Variants in NIBAN1 observed in about 807,000 individuals in gnomAD.
NIBAN1 encodes the protein niban apoptosis regulator 1.
In NIBAN1, 81 loss-of-function variants were observed where a neutral mutation model predicts 75.1. The ratio of observed to expected loss-of-function variants is 1.08; its 90% CI spans 0.90 to 1.30. The LOEUF (loss-of-function observed/expected upper bound fraction) is 1.30. Among genes scored for constraint, NIBAN1 ranks in the 50% most tolerant of loss-of-function variants. The pLI, the probability that NIBAN1 is intolerant of heterozygous loss-of-function variation, is 0.00. For missense variants in NIBAN1, 1,133 were observed against 1,128.1 expected, an observed-to-expected ratio of 1.00 and a Z score of -0.06; for synonymous variants, 436 against 424.8, an observed-to-expected ratio of 1.03 and a Z score of -0.32.
intron 1 of NIBAN1, among the ~76,000 whole-genome samples, chr1:184,939,203 G>C (rs1658031045): frequency 6.6e-6 from 1 of 152,312 alleles, no homozygotes; most frequent in Middle Eastern, 3.4e-3. Flanking sequence ...AGCATATTTA[G>C]TACAAAGCAG....
intron 6 of NIBAN1, among the ~76,000 whole-genome samples, chr1:184,825,455 T>C (rs1456420600): frequency 6.6e-6 from 1 of 151,196 alleles, no homozygotes; most frequent in Admixed American, 6.6e-5. Context: ...CAATAACCAA[T>C]ATTTTGGAAC....
At chr1:184,900,033 C>T (rs1196207795) in intron 1 of NIBAN1, among the ~76,000 whole-genome samples, 1 of 152,036 alleles carries the variant, frequency 6.6e-6, no homozygotes. Context: ...TCAGGCTGGT[C>T]TCGAACTCCC....
chr1:184,956,367 T>C (rs148240457), intron 1 of NIBAN1, among the ~76,000 whole-genome samples: 205 of 152,244 alleles, frequency 1.3e-3, no homozygotes, highest in African/African-American at 4.7e-3. Flanking sequence ...GTGGATAGAA[T>C]TCAGGCCATC....
intron 1 of NIBAN1, among the ~76,000 whole-genome samples, chr1:184,917,765 A>C (rs143039164): frequency 3.3e-5 from 5 of 151,928 alleles, no homozygotes; most frequent in African/African-American, 1.2e-4. Flanking sequence ...TCGGATTGCC[A>C]TTGTCTTCCT....
At chr1:184,883,300 C>A (rs1429130356) in intron 5 of NIBAN1, among the ~76,000 whole-genome samples, 1 of 152,184 alleles carries the variant, frequency 6.6e-6, no homozygotes, top group African/African-American at 2.4e-5. Flanking sequence ...AACCCATTAA[C>A]TGTGATAACT....
chr1:184,795,969 T>C lies in NIBAN1; in HGVS notation c.1795A>G (p.Arg599Gly), dbSNP rs1362444170. 1 of 1,614,164 alleles carries C rather than the reference T, an allele frequency of 6.2e-7. No individual in the cohort carries two copies. The highest frequency in any genetic ancestry group is 1.3e-5 in the African/African-American group (1 of 75,062). The change falls in exon 14 of 14, where the codon AGG (arginine) becomes GGG (glycine). Residue 599 changes from arginine to glycine, a missense_variant. Coordinates refer to ENST00000367511, the MANE Select transcript of NIBAN1 (RefSeq NM_052966.4). ...CCTGGCAGAATGGCAGAAGCTCTCC[T>C]GGCAGGGCTGGCCTGGTTTGACCCT... is the stretch of plus-strand genomic sequence containing the variant. Reference protein sequence around the residue: ...PTGSNQASPARRASAILPGVL... With the variant: ...PTGSNQASPAGRASAILPGVL...
intron 2 of NIBAN1, among the ~76,000 whole-genome samples, chr1:184,895,643 T>C (rs1264014124): frequency 1.3e-5 from 2 of 152,180 alleles, no homozygotes; most frequent in East Asian, 3.8e-4. Flanking sequence ...ACTGGGCTCC[T>C]AGTGTACCCA....
intron 1 of NIBAN1, among the ~76,000 whole-genome samples, chr1:184,942,023 C>T (rs1374448817): frequency 6.6e-6 from 1 of 152,084 alleles, no homozygotes; most frequent in Admixed American, 6.6e-5. Context: ...ACAGAAACTA[C>T]CTTAAGACAA....
In NIBAN1 at chr1:184,890,220, G is replaced by C. The variant is rs767461860; in HGVS notation, c.321C>G (p.Ala107=). ...ATTTAGGAGCAGCTCCTCTCTGATA[G>C]GCCTGGGGAGGGAAAGGCACACAGG... ...YAVESYENKE[A]YQRGAAPKCR... is the part of the protein sequence containing the mutation. The change falls in exon 4 of 14, where the codon GCC becomes GCG. Residue 107 remains alanine (A), a splice_region_variant and synonymous_variant. Transcript: ENST00000367511. The C allele has an allele frequency of 2.2e-5, 36 of 1,610,652 alleles. No homozygotes were observed. Among genetic ancestry groups the C allele is most frequent in the Admixed American group, 6.7e-5 (4 of 60,008 alleles).
rs981375832 is a variant in NIBAN1 at position 184,966,874 on chromosome 1, G to A, written c.55+7428C>T. Among the ~76,000 whole-genome samples the A allele has an allele frequency of 2.0e-5, 3 of 152,040 alleles. No homozygotes were observed. In the South Asian group the frequency reaches 6.2e-4, roughly 32 times the overall value. ...ATGGACCTTTTAAAAGTCACTTTGG[G>A]GCTCCTAGTAAAAACTATTAATTTA... On this transcript the variant is annotated intron_variant, in intron 1 of 13. Transcript: ENST00000367511.
chr1:184,962,854 TG>T (rs1468898928), intron 1 of NIBAN1, among the ~76,000 whole-genome samples: 11 of 152,146 alleles, frequency 7.2e-5, no homozygotes, highest in Non-Finnish European at 1.6e-4. Context: ...TATTAAACAC[TG>T]GTAAATAAAA....
At chr1:184,879,894 G>C (rs1452332855) in intron 5 of NIBAN1, among the ~76,000 whole-genome samples, 1 of 152,196 alleles carries the variant, frequency 6.6e-6, no homozygotes, top group African/African-American at 2.4e-5. Flanking sequence ...AGTCCAACTT[G>C]AAGCACTGAT....
At chr1:184,842,621 C>T (rs1306576798) in intron 5 of NIBAN1, among the ~76,000 whole-genome samples, 4 of 152,084 alleles carry the variant, frequency 2.6e-5, no homozygotes, top group Admixed American at 2.0e-4. Flanking sequence ...GGCGTGGTGG[C>T]GGGCGCCTGT....
At chr1:184,949,538 C>A (rs1658309577) in intron 1 of NIBAN1, among the ~76,000 whole-genome samples, 1 of 152,176 alleles carries the variant, frequency 6.6e-6, no homozygotes, top group Admixed American at 6.5e-5. Context: ...AACTGAGGCT[C>A]AGTTATATAA....
intron 1 of NIBAN1, among the ~76,000 whole-genome samples, chr1:184,922,224 C>G (rs1657573053): frequency 6.6e-6 from 1 of 152,124 alleles, no homozygotes; most frequent in Non-Finnish European, 1.5e-5. Context: ...TCACATCAAG[C>G]ATTTATCCTT....
chr1:184,925,355 T>G (rs2102024077), intron 1 of NIBAN1, among the ~76,000 whole-genome samples: 1 of 152,284 alleles, frequency 6.6e-6, no homozygotes, highest in South Asian at 2.1e-4. Context: ...TTGTGTTTTA[T>G]CCATTCAGCC....
At chr1:184,864,464 G>A (rs1187511674) in intron 5 of NIBAN1, among the ~76,000 whole-genome samples, 4 of 152,144 alleles carry the variant, frequency 2.6e-5, no homozygotes, top group Non-Finnish European at 4.4e-5. Context: ...TGAATAGGGT[G>A]AATTTAGAGG....
rs76128442 is a variant in NIBAN1, at chr1:184,910,678, T to C, written c.56-11369A>G. 3.4e-3 allele frequency among the ~76,000 whole-genome samples: 515 copies of C among 152,324 alleles called. 8 individuals carry two copies. In the East Asian group the frequency reaches 0.039, roughly 11 times the overall value. On this transcript the variant is annotated intron_variant, in intron 1 of 13. Transcript: ENST00000367511. ...AGATGTTTTGATGATTAATTTTATG[T>C]GTCAGTTTGAGCCATGGGATGCCAA...
intron 1 of NIBAN1, among the ~76,000 whole-genome samples, chr1:184,966,633 T>G (rs1658791401): frequency 6.6e-6 from 1 of 152,216 alleles, no homozygotes; most frequent in East Asian, 1.9e-4. Flanking sequence ...GAAGCCTCCT[T>G]TGATGACTAG....
Sources: allele counts gnomAD v4.1 joint callset (sites outside exome capture counted in the v4.1 genomes callset), GRCh38; gene constraint gnomAD v4.1.1; transcripts MANE v1.5; gene names NCBI Gene and HGNC (gene_info 2026-07-23, HGNC 2026-07-21).